The following RBFOX1 variants were observed in gnomAD, a reference collection of about 807,000 sequenced individuals.
The protein encoded by RBFOX1 is RNA binding protein fox-1 homolog 1.
RBFOX1 carries 8 observed loss-of-function variants against 57.7 expected under a neutral mutation model. The ratio of observed to expected loss-of-function variants is 0.14; its 90% CI spans 0.08 to 0.25. The LOEUF (loss-of-function observed/expected upper bound fraction) is 0.25, where lower values mean the gene tolerates loss of function less well. Ranked by LOEUF, RBFOX1 falls within the 10% of genes least tolerant of loss-of-function variation. The pLI is 1.00. For missense variants in RBFOX1, 611 were observed against 548.5 expected, an observed-to-expected ratio of 1.11 and a Z score of -1.14; for synonymous variants, 326 against 222.4, an observed-to-expected ratio of 1.47 and a Z score of -4.15.
At chr16:7,192,418 C>G (rs17670538) in intron 4 of RBFOX1, among the ~76,000 whole-genome samples, 25,212 of 152,096 alleles carry the variant, frequency 0.17, 2,252 homozygotes, top group East Asian at 0.37. Context: ...GACTCAAATG[C>G]CTATAGAGGC....
chr16:7,368,280 G>A (rs2097500787), intron 4 of RBFOX1, among the ~76,000 whole-genome samples: 1 of 148,272 alleles, frequency 6.7e-6, no homozygotes, highest in East Asian at 2.0e-4. Context: ...AAAAAAAAAA[G>A]AGAGAGAAGA....
intron 3 of RBFOX1, among the ~76,000 whole-genome samples, chr16:6,823,798 G>C (rs2091720976): frequency 6.6e-6 from 1 of 152,152 alleles, no homozygotes; most frequent in Admixed American, 6.5e-5. Flanking sequence ...ACTAATAATA[G>C]GAGATTCCTA....
intron 3 of RBFOX1, among the ~76,000 whole-genome samples, chr16:5,633,082 G>A (rs545737381): frequency 1.3e-4 from 19 of 151,968 alleles, no homozygotes; most frequent in African/African-American, 4.1e-4. Context: ...GGGACTGTAG[G>A]CACCAGTCAC....
chr16:7,644,337 T>G (rs966172160), intron 11 of RBFOX1, among the ~76,000 whole-genome samples: 2 of 152,206 alleles, frequency 1.3e-5, no homozygotes, highest in Non-Finnish European at 1.5e-5. Context: ...CTAGCTGTTA[T>G]CATCATGCAA....
rs76331010 is a variant in RBFOX1, at chr16:6,271,286, T to C, written c.-126-45709T>C. ...TAAAAATACAAAAATTAGCCGAGCA[T>C]AGTGGCACATGTGTGTAGTCCCAGC... On this transcript the variant is annotated intron_variant, in intron 1 of 15. Coordinates refer to ENST00000550418, the MANE Select transcript of RBFOX1 (RefSeq NM_018723.4). Among the ~76,000 whole-genome samples, 1,225 of 152,190 alleles carry C rather than the reference T, an allele frequency of 8.0e-3. 25 individuals carry two copies. Among genetic ancestry groups the C allele is most frequent in the Admixed American group, 0.045 (691 of 15,286 alleles).
chr16:7,403,096 A>T (rs1597529325), intron 4 of RBFOX1, among the ~76,000 whole-genome samples: 1 of 152,184 alleles, frequency 6.6e-6, no homozygotes, highest in African/African-American at 2.4e-5. Context: ...CCCCGGCTCT[A>T]TGGGGGTACA....
At chr16:6,145,119 A>G (rs1377757275) in intron 1 of RBFOX1, among the ~76,000 whole-genome samples, 1 of 152,016 alleles carries the variant, frequency 6.6e-6, no homozygotes, top group African/African-American at 2.4e-5. Context: ...TGTTGTAAAG[A>G]TAATTTCATC....
intron 3 of RBFOX1, among the ~76,000 whole-genome samples, chr16:5,822,274 G>A (rs771004457): frequency 2.6e-5 from 4 of 152,142 alleles, no homozygotes; most frequent in Non-Finnish European, 4.4e-5. Flanking sequence ...AGACTTTGGG[G>A]ACTTGGGGGG....
chr16:5,901,818 A>G (rs1053891847), intron 4 of RBFOX1, among the ~76,000 whole-genome samples: 1 of 152,142 alleles, frequency 6.6e-6, no homozygotes, highest in Non-Finnish European at 1.5e-5. Flanking sequence ...CAGGATTTCC[A>G]CCTAATGCTT....
chr16:5,719,377 T>C (rs927778798), intron 3 of RBFOX1, among the ~76,000 whole-genome samples: 5 of 151,348 alleles, frequency 3.3e-5, no homozygotes, highest in Non-Finnish European at 5.9e-5. Flanking sequence ...AATTTTTTTT[T>C]TTTTTTGTAT....
intron 1 of RBFOX1, among the ~76,000 whole-genome samples, chr16:6,107,387 A>T (rs1031749878): frequency 6.6e-6 from 1 of 152,046 alleles, no homozygotes; most frequent in South Asian, 2.1e-4. Flanking sequence ...TCTTATCCAC[A>T]TGCTCAGGGT....
intron 3 of RBFOX1, among the ~76,000 whole-genome samples, chr16:6,727,286 G>C (rs138354265): frequency 6.6e-6 from 1 of 151,358 alleles, no homozygotes; most frequent in African/African-American, 2.4e-5. Context: ...AATTAATTGC[G>C]TTTTTTGCCA....
intron 4 of RBFOX1, among the ~76,000 whole-genome samples, chr16:7,053,498 G>C (rs2050817357): frequency 6.6e-6 from 1 of 152,182 alleles, no homozygotes. Flanking sequence ...AACTAGGTCA[G>C]AGCTAGATAA....
intron 3 of RBFOX1, among the ~76,000 whole-genome samples, chr16:6,737,149 C>G (rs2070617434): frequency 6.6e-6 from 1 of 152,018 alleles, no homozygotes; most frequent in South Asian, 2.1e-4. Context: ...ACAACAGAGG[C>G]AAAGCTGTAA....
intron 4 of RBFOX1, among the ~76,000 whole-genome samples, chr16:7,290,988 G>A (rs979493752): frequency 3.3e-5 from 5 of 152,192 alleles, no homozygotes; most frequent in Non-Finnish European, 4.4e-5. Flanking sequence ...ATTTCATTCT[G>A]TGATTATTTA....
chr16:7,220,640 G>T (rs1428693708), intron 4 of RBFOX1, among the ~76,000 whole-genome samples: 1 of 152,140 alleles, frequency 6.6e-6, no homozygotes, highest in Non-Finnish European at 1.5e-5. Flanking sequence ...CTTGTTACCT[G>T]GACTTTTGAA....
chr16:6,080,001 T>C (rs758753204), intron 1 of RBFOX1, among the ~76,000 whole-genome samples: 2 of 152,208 alleles, frequency 1.3e-5, no homozygotes, highest in Non-Finnish European at 2.9e-5. Context: ...CTTACAACCA[T>C]GTAACAATCC....
chr16:7,115,384 T>C (rs911354672), intron 4 of RBFOX1, among the ~76,000 whole-genome samples: 8 of 152,228 alleles, frequency 5.3e-5, no homozygotes, highest in Non-Finnish European at 1.0e-4. Context: ...TATATTCTAA[T>C]GGAAAACAGA....
At chr16:5,630,199 G>A (rs1474649712) in intron 3 of RBFOX1, among the ~76,000 whole-genome samples, 1 of 152,224 alleles carries the variant, frequency 6.6e-6, no homozygotes, top group African/African-American at 2.4e-5. Context: ...GCTCATGCCT[G>A]TAATCCCAGG....
Sources: allele counts gnomAD v4.1 joint callset (sites outside exome capture counted in the v4.1 genomes callset), GRCh38; gene constraint gnomAD v4.1.1; transcripts MANE v1.5; gene names NCBI Gene and HGNC (gene_info 2026-07-23, HGNC 2026-07-21).